Variants in NDUFAF6 observed in about 807,000 individuals in gnomAD.
NDUFAF6 encodes NADH dehydrogenase (ubiquinone) complex I, assembly factor 6.
In NDUFAF6, 45 loss-of-function variants were observed where a neutral mutation model predicts 40.8. That is an observed-to-expected ratio of 1.10 (90% CI 0.87 to 1.42). The LOEUF is 1.42. Ranked by LOEUF, NDUFAF6 falls within the 40% of genes most tolerant of loss-of-function variation. The probability of loss-of-function intolerance (pLI) is 0.00; values close to 1 mark genes in which losing one functional copy is unlikely to be tolerated. For synonymous variants in NDUFAF6, 185 were observed against 155.9 expected, an observed-to-expected ratio of 1.19 and a Z score of -1.39; for missense variants, 435 against 418.5, an observed-to-expected ratio of 1.04 and a Z score of -0.34.
At chr8:95,071,291 G>A (rs1014027479) in intron 9 of NDUFAF6, among the ~76,000 whole-genome samples, 2 of 151,490 alleles carry the variant, frequency 1.3e-5, no homozygotes. Context: ...CCAGCTACTC[G>A]GGAGGCTGAG....
chr8:94,932,039 T>C (rs780386673), intron 1 of NDUFAF6: 86 of 1,600,876 alleles, frequency 5.4e-5, no homozygotes, highest in Non-Finnish European at 6.9e-5. Flanking sequence ...TGCATACATA[T>C]ATCACACAGT....
intron 1 of NDUFAF6, among the ~76,000 whole-genome samples, chr8:94,896,292 C>G (rs1426550519): frequency 6.7e-6 from 1 of 148,536 alleles, no homozygotes; most frequent in East Asian, 2.0e-4. Context: ...GCCAGCGCGC[C>G]CTGCGGAGCC....
At chr8:94,990,933 A>C (rs1405256329) in intron 2 of NDUFAF6, among the ~76,000 whole-genome samples, 1 of 152,246 alleles carries the variant, frequency 6.6e-6, no homozygotes, top group Non-Finnish European at 1.5e-5. Context: ...ACCTGACAGC[A>C]GTAACAGCAG....
upstream of NDUFAF6, among the ~76,000 whole-genome samples, chr8:94,956,355 G>A (rs1823070633): frequency 6.6e-6 from 1 of 152,122 alleles, no homozygotes; most frequent in Non-Finnish European, 1.5e-5. Context: ...ATGATGAAAG[G>A]GGCAAGCAAG....
At chr8:94,895,839 C>T (rs34208552) in exon 1 of NDUFAF6, 3 of 153,240 alleles carry the variant, frequency 2.0e-5, no homozygotes, top group Non-Finnish European at 4.3e-5. Context: ...GCTCTGCTCT[C>T]CCCAGTCCCG....
intron 2 of NDUFAF6, among the ~76,000 whole-genome samples, chr8:94,948,268 G>A (rs939045027): frequency 1.6e-4 from 24 of 152,302 alleles, no homozygotes; most frequent in Non-Finnish European, 2.9e-4. Context: ...GTGTGGCCTT[G>A]AGCAACTTAA....
At position 94,987,343 on chromosome 8, in the gene NDUFAF6, C is replaced by A. The variant is rs138094328; in HGVS notation, c.-84+6370C>A. Among the ~76,000 whole-genome samples, 847 of 152,270 alleles carry A rather than the reference C, an allele frequency of 5.6e-3. 11 individuals carry two copies. The highest frequency in any genetic ancestry group is 0.019 in the African/African-American group (799 of 41,546). On this transcript the variant is annotated intron_variant, in intron 2 of 9. Transcript: ENST00000396111. Reference sequence around the variant, plus strand: ...GTTCTCTCTAGTACTTTATTAGCTGCCTTGATGTCTTGTTTCCAGTCCCTT... The same window carrying A: ...GTTCTCTCTAGTACTTTATTAGCTGACTTGATGTCTTGTTTCCAGTCCCTT...
At chr8:94,964,222 G>C (rs181870642) in intron 1 of NDUFAF6, among the ~76,000 whole-genome samples, 138 of 152,284 alleles carry the variant, frequency 9.1e-4, no homozygotes, top group African/African-American at 3.2e-3. Context: ...GAGCCTAGGA[G>C]TTTGAGACCG....
Position 95,041,593 on chromosome 8 carries a change from TAAAAG to T in NDUFAF6, c.446_450del (p.Lys149MetfsTer8), listed in dbSNP as rs777638139. The T allele has an allele frequency of 1.2e-6, 2 of 1,612,444 alleles. No homozygotes were observed. The highest frequency in any genetic ancestry group is 1.7e-6 in the Non-Finnish European group (2 of 1,178,640). On this transcript the variant is annotated frameshift_variant, in exon 4 of 9. Transcript: ENST00000396124. LOFTEE classifies it high-confidence loss of function. ...AGGCTGTTAAAAGACATAATCTGAC[TAAAAG>T]ATGGCTTATGAAAATCGTCGATGAA...
intron 2 of NDUFAF6, chr8:95,087,947 C>A (rs6471513): frequency 0.63 from 95,803 of 152,250 alleles, 31,016 homozygotes; most frequent in African/African-American, 0.77. Context: ...ATTGTGGAAA[C>A]TTCAGTCCCT....
intron 1 of NDUFAF6, among the ~76,000 whole-genome samples, chr8:94,962,356 G>A (rs1319486815): frequency 6.6e-6 from 1 of 152,206 alleles, no homozygotes; most frequent in East Asian, 1.9e-4. Context: ...GCAGTGGCAA[G>A]ATCTTGGCTC....
chr8:95,032,832 C>T (rs556016487), intron 2 of NDUFAF6, among the ~76,000 whole-genome samples: 207 of 152,140 alleles, frequency 1.4e-3, no homozygotes, highest in African/African-American at 4.7e-3. Flanking sequence ...AATATGGCAC[C>T]GAGGCACAAC....
At chr8:95,012,576 T>C (rs1827268775) in intron 2 of NDUFAF6, among the ~76,000 whole-genome samples, 1 of 152,014 alleles carries the variant, frequency 6.6e-6, no homozygotes, top group Non-Finnish European at 1.5e-5. Context: ...TTGGGAGGCC[T>C]AGGCAGGTGG....
At chr8:95,026,322 G>T (rs1270526912) in intron 1 of NDUFAF6, among the ~76,000 whole-genome samples, 2 of 152,146 alleles carry the variant, frequency 1.3e-5, no homozygotes, top group African/African-American at 2.4e-5. Flanking sequence ...TAAAAAATTA[G>T]TTGGGCGTTG....
chr8:94,915,294 C>T (rs1380766389), intron 1 of NDUFAF6, among the ~76,000 whole-genome samples: 1 of 152,178 alleles, frequency 6.6e-6, no homozygotes, highest in Non-Finnish European at 1.5e-5. Flanking sequence ...GTATTTAGCT[C>T]TCACTTATGA....
intron 1 of NDUFAF6, among the ~76,000 whole-genome samples, chr8:94,938,293 T>G (rs182194896): frequency 1.4e-4 from 22 of 152,350 alleles, no homozygotes; most frequent in Non-Finnish European, 2.9e-5. Flanking sequence ...GATTCTGGTG[T>G]TGTGCCAGTA....
chr8:94,899,535 T>C (rs971109031), intron 1 of NDUFAF6, among the ~76,000 whole-genome samples: 2 of 152,232 alleles, frequency 1.3e-5, no homozygotes, highest in Non-Finnish European at 2.9e-5. Context: ...CAGGTGCTAA[T>C]GACTGTCATT....
At chr8:94,970,307 C>T (rs1190512597) in intron 1 of NDUFAF6, among the ~76,000 whole-genome samples, 1 of 147,826 alleles carries the variant, frequency 6.8e-6, no homozygotes, top group African/African-American at 2.5e-5. Flanking sequence ...GACGTGTTTT[C>T]AACTATTGAA....
At chr8:95,111,677 C>A (rs771597178) in intron 4 of NDUFAF6, among the ~76,000 whole-genome samples, 1 of 151,914 alleles carries the variant, frequency 6.6e-6, no homozygotes. Flanking sequence ...AGTATCTTGA[C>A]CAAAATAGTC....
Sources: allele counts gnomAD v4.1 joint callset (sites outside exome capture counted in the v4.1 genomes callset), GRCh38; gene constraint gnomAD v4.1.1; transcripts MANE v1.5; gene names NCBI Gene and HGNC (gene_info 2026-07-23, HGNC 2026-07-21).